The following DNAH12 variants were observed in gnomAD, a reference collection of about 807,000 sequenced individuals.
The protein encoded by DNAH12 is axonemal beta dynein heavy chain 12.
In DNAH12, 285 loss-of-function variants were observed where a neutral mutation model predicts 371.5. That is an observed-to-expected ratio of 0.77 (90% confidence interval 0.70 to 0.85). The LOEUF (loss-of-function observed/expected upper bound fraction) is 0.85. DNAH12 is among the 40% of genes least tolerant of loss of function. DNAH12 has a pLI of 0.00. For synonymous variants in DNAH12, 1,200 were observed against 1,213.0 expected, an observed-to-expected ratio of 0.99 and a Z score of 0.22; for missense variants, 3,611 against 3,689.4, an observed-to-expected ratio of 0.98 and a Z score of 0.55.
rs2063833799 is a variant in DNAH12 at position 57,400,451 on chromosome 3, C to T, written c.6948+2858G>A. Reference sequence around the variant, plus strand: ...TACAGCAACACAATACAGTAGTCCCCCCTTATCCATGGGGGATACATTCCA... The same window carrying T: ...TACAGCAACACAATACAGTAGTCCCTCCTTATCCATGGGGGATACATTCCA... On this transcript the variant is annotated intron_variant, in intron 43 of 73. Transcript: ENST00000495027. 2.0e-5 allele frequency among the ~76,000 whole-genome samples: 3 copies of T among 152,248 alleles called. No individual in the cohort carries two copies. In the South Asian group the frequency reaches 6.2e-4, roughly 32 times the overall value.
intron 55 of DNAH12, among the ~76,000 whole-genome samples, chr3:57,372,591 A>G (rs971252209): frequency 3.6e-4 from 55 of 152,216 alleles, no homozygotes; most frequent in African/African-American, 1.2e-3. Context: ...TATACTGTTG[A>G]AAGATATTTA....
At position 57,445,260 on chromosome 3, in the gene DNAH12, C is replaced by T. The variant is rs2065447829; in HGVS notation, c.4339G>A (p.Asp1447Asn). Residue 1447 changes from aspartate to asparagine, a missense_variant, in exon 28 of 74, where the codon GAC (aspartate) becomes AAC (asparagine). Around this residue, in one of 3 missense-constraint regions of DNAH12, gnomAD observed 2,266 missense variants for 2,236.9 expected, o/e 1.01. Coordinates refer to ENST00000495027, the MANE Select transcript of DNAH12 (RefSeq NM_001366028.2). ...GCTTTTACTGCTCGCATTCCATAGT[C>T]GTAATGAAATTGCGATGAGAGCTGC... is the stretch of plus-strand genomic sequence containing the variant. ...SEQLSSQFHY[D>N]YGMRAVKAVL... The T allele has an allele frequency of 6.4e-7, 1 of 1,551,382 alleles. No individual in the cohort carries two copies. Among genetic ancestry groups the T allele is most frequent in the African/African-American group, 1.4e-5 (1 of 73,150 alleles).
intron 4 of DNAH12, among the ~76,000 whole-genome samples, chr3:57,517,338 A>G (rs1308947133): frequency 6.6e-6 from 1 of 152,078 alleles, no homozygotes; most frequent in Non-Finnish European, 1.5e-5. Context: ...TTGTCCATCA[A>G]TCTTCAGCAT....
intron 25 of DNAH12, among the ~76,000 whole-genome samples, chr3:57,449,918 AC>A (rs2065698338): frequency 2.0e-5 from 3 of 152,146 alleles, no homozygotes; most frequent in Admixed American, 2.0e-4. Context: ...TCACTAGGAG[AC>A]TTTTTCTCAG....
At chr3:57,495,991 T>TATAA (rs1553710405) in intron 11 of DNAH12, among the ~76,000 whole-genome samples, 1 of 142,380 alleles carries the variant, frequency 7.0e-6, no homozygotes, top group Non-Finnish European at 1.5e-5. Context: ...TTTATATATA[T>TATAA]TATATATATA....
intron 13 of DNAH12, among the ~76,000 whole-genome samples, chr3:57,479,077 T>G (rs1380356043): frequency 6.6e-6 from 1 of 152,044 alleles, no homozygotes; most frequent in Non-Finnish European, 1.5e-5. Context: ...CATAACAATA[T>G]TAACCTTAAA....
At chr3:57,404,689 C>A (rs2063972129) in intron 42 of DNAH12, among the ~76,000 whole-genome samples, 1 of 151,830 alleles carries the variant, frequency 6.6e-6, no homozygotes, top group Non-Finnish European at 1.5e-5. Context: ...CATTGCACTC[C>A]AATCTGGGCA....
At chr3:57,316,539 C>T (rs911458678) in intron 65 of DNAH12, among the ~76,000 whole-genome samples, 68 of 152,200 alleles carry the variant, frequency 4.5e-4, no homozygotes, top group African/African-American at 1.5e-3. Context: ...GTGCCAAATC[C>T]CACCTCCAAC....
chr3:57,509,749 C>T (rs558997358), intron 5 of DNAH12, among the ~76,000 whole-genome samples: 137 of 150,848 alleles, frequency 9.1e-4, no homozygotes, highest in African/African-American at 3.3e-3. Context: ...GTAGTCCCAG[C>T]TACTTGGGAG....
At chr3:57,480,654 G>C (rs193234768) in intron 13 of DNAH12, among the ~76,000 whole-genome samples, 2 of 152,098 alleles carry the variant, frequency 1.3e-5, no homozygotes, top group East Asian at 1.9e-4. Flanking sequence ...GATGAACGTC[G>C]ATGCAAAAAT....
chr3:57,468,767 C>A lies in DNAH12; in HGVS notation c.2318G>T (p.Ser773Ile), dbSNP rs759741095. 113 of 1,515,588 alleles carry A rather than the reference C, an allele frequency of 7.5e-5. No individual in the cohort carries two copies. Among genetic ancestry groups the A allele is most frequent in the Non-Finnish European group, 9.8e-5 (111 of 1,137,746 alleles). The allele number at this position is 1,515,588 out of a possible 1,614,324, so 93.9% of individuals were successfully genotyped here. Residue 773 changes from serine (S) to isoleucine (I), a missense_variant, in exon 17 of 74, where the codon AGT (serine) becomes ATT (isoleucine). Ser to Ile is a moderately radical substitution (Grantham distance 142). This residue lies in a region of DNAH12 where 1,314 missense variants were observed against 1,398.7 expected (regional missense o/e 0.94). Coordinates refer to ENST00000495027, the MANE Select transcript of DNAH12 (RefSeq NM_001366028.2). ...PKDNATITMC[S>I]TVMEQIKAFK... is the part of the protein sequence containing the mutation. Reference sequence around the variant, plus strand: ...AGCTTTTATCTGTTCCATGACTGTACTGCACATAGTAATAGTAGCATTGTC... The same window carrying A: ...AGCTTTTATCTGTTCCATGACTGTAATGCACATAGTAATAGTAGCATTGTC...
chr3:57,315,465 C>A (rs575143383), intron 65 of DNAH12, among the ~76,000 whole-genome samples: 1 of 150,382 alleles, frequency 6.6e-6, no homozygotes, highest in East Asian at 1.9e-4. Context: ...GAACCTTTAG[C>A]AATAAGAGCA....
intron 58 of DNAH12, among the ~76,000 whole-genome samples, chr3:57,361,358 T>C (rs1280474258): frequency 1.3e-5 from 2 of 149,450 alleles, no homozygotes; most frequent in African/African-American, 5.0e-5. Flanking sequence ...TCAAAAAATA[T>C]ATATACGTAT....
At chr3:57,363,175 G>A (rs1462662092) in intron 58 of DNAH12, among the ~76,000 whole-genome samples, 2 of 152,104 alleles carry the variant, frequency 1.3e-5, no homozygotes, top group African/African-American at 4.8e-5. Flanking sequence ...CAAGAAATGG[G>A]GAAAGGATTC....
intron 40 of DNAH12, 85 bp from the exon 41 acceptor site, chr3:57,406,037 TTTTA>T: frequency 7.5e-7 from 1 of 1,341,878 alleles, no homozygotes; most frequent in Non-Finnish European, 1.0e-6. Flanking sequence ...ATACAAAATA[TTTTA>T]TTTACTCTGT....
chr3:57,425,913 G>C (rs1185018574), intron 34 of DNAH12, among the ~76,000 whole-genome samples: 1 of 152,156 alleles, frequency 6.6e-6, no homozygotes, highest in East Asian at 1.9e-4. Flanking sequence ...AAAATAATAT[G>C]ATGTAATAAT....
At chr3:57,328,047 T>G (rs200178291) in intron 62 of DNAH12, among the ~76,000 whole-genome samples, 44,885 of 146,940 alleles carry the variant, frequency 0.31, 7,001 homozygotes, top group African/African-American at 0.43. Flanking sequence ...AACAACAGGA[T>G]CTGAAATTGT....
intron 11 of DNAH12, chr3:57,498,293 A>G: frequency 3.5e-6 from 2 of 571,342 alleles, no homozygotes; most frequent in Middle Eastern, 4.0e-4. Flanking sequence ...TGTAAATGGT[A>G]TAACAACTTT....
At chr3:57,445,494 G>C in intron 27 of DNAH12, 75 bp from the exon 28 acceptor site, 1 of 1,227,134 alleles carries the variant, frequency 8.1e-7, no homozygotes, top group Non-Finnish European at 1.0e-6. Flanking sequence ...AGTATTCAAA[G>C]GTGTGGTGTT....
Sources: gnomAD v4.1 joint callset for allele counts (sites outside exome capture counted in the v4.1 genomes callset) on GRCh38, gnomAD v4.1.1 for gene constraint, gnomAD v4.1.1 regional missense constraint, MANE v1.5 for transcripts, NCBI Gene and HGNC (gene_info 2026-07-23, HGNC 2026-07-21) for gene names.